GARNL3: variants seen among roughly 807,000 people sequenced by gnomAD.
GARNL3 encodes the protein GTPase-activating Rap/Ran-GAP domain-like protein 3.
A neutral mutation model predicts 125.0 loss-of-function variants in GARNL3; 63 were observed. The ratio of observed to expected loss-of-function variants is 0.50; its 90% CI spans 0.41 to 0.62. The LOEUF is 0.62. Among genes scored for constraint, GARNL3 ranks in the 20% least tolerant of loss-of-function variants. The probability of loss-of-function intolerance (pLI) is 0.00; values close to 1 mark genes in which losing one functional copy is unlikely to be tolerated. For synonymous variants in GARNL3, 439 were observed against 457.5 expected (o/e 0.96, Z 0.52); for missense variants, 994 against 1,244.0 (o/e 0.80, Z 3.02).
At chr9:127,313,276 G>A in intron 3 of GARNL3, 165 bp from the exon 4 acceptor site, 1 of 639,564 alleles carries the variant, frequency 1.6e-6, no homozygotes, top group Non-Finnish European at 2.8e-6. Flanking sequence ...AGGGGCAGAG[G>A]AATACATGAT....
chr9:127,259,496 G>T (rs1041824837), upstream of GARNL3, among the ~76,000 whole-genome samples: 2 of 152,004 alleles, frequency 1.3e-5, no homozygotes, highest in Non-Finnish European at 2.9e-5. Context: ...GGCAACAGGG[G>T]GTCCCAGGTA....
At chr9:127,339,607 C>T (rs367916129) in intron 12 of GARNL3, 38 bp from the exon 13 acceptor site, 1 of 1,433,834 alleles carries the variant, frequency 7.0e-7, no homozygotes, top group Admixed American at 1.7e-5. Context: ...CAAACCATAT[C>T]AAGTGCTAAT....
chr9:127,262,798 A>G (rs117714328), upstream of GARNL3, among the ~76,000 whole-genome samples: 11 of 152,302 alleles, frequency 7.2e-5, no homozygotes, highest in East Asian at 2.1e-3. Flanking sequence ...CATGTCCACT[A>G]TGTGCCAGGC....
rs1286361816 is a variant in GARNL3 at position 127,393,301 on chromosome 9, A to T, written c.*47A>T. 10 of 1,535,950 alleles carry T rather than the reference A, an allele frequency of 6.5e-6. No individual in the cohort carries two copies. The highest frequency in any genetic ancestry group is 9.0e-6 in the Non-Finnish European group (10 of 1,115,546). ...ATCTTTAGTTTTCTTATGGAGGTTT[A>T]TACTCTTTAAACAGTTCTGATGTAA... On this transcript the variant is annotated 3_prime_UTR_variant, in exon 28 of 28. Transcript: ENST00000373387.
intron 1 of GARNL3, among the ~76,000 whole-genome samples, chr9:127,227,158 T>G (rs182835187): frequency 1.6e-3 from 250 of 152,360 alleles, no homozygotes; most frequent in Middle Eastern, 6.8e-3. Flanking sequence ...TTCCCACTTT[T>G]ATTACCCTCT....
intron 22 of GARNL3, among the ~76,000 whole-genome samples, chr9:127,382,235 G>A (rs1223973889): frequency 6.6e-6 from 1 of 152,078 alleles, no homozygotes; most frequent in Non-Finnish European, 1.5e-5. Flanking sequence ...GGGAGGCAGA[G>A]GTTGCAATGA....
At chr9:127,289,834 G>A (rs532869421) in intron 1 of GARNL3, among the ~76,000 whole-genome samples, 1 of 152,312 alleles carries the variant, frequency 6.6e-6, no homozygotes, top group African/African-American at 2.4e-5. Flanking sequence ...CCTCAGTTTA[G>A]CGAATAGTGT....
chr9:127,326,418 G>T (rs767736938), intron 7 of GARNL3, among the ~76,000 whole-genome samples: 6 of 152,126 alleles, frequency 3.9e-5, no homozygotes, highest in Non-Finnish European at 7.4e-5. Flanking sequence ...TTGATTGAAT[G>T]AATATATTAT....
In GARNL3 at chr9:127,318,067, C is replaced by T. The variant is rs1351450763; in HGVS notation, c.443C>T (p.Thr148Ile). ...YRAILWRKTGTQKICLPYSPT... is the reference protein window; with the variant it reads ...YRAILWRKTGIQKICLPYSPT... ...TTGATGTTTGGACTTTTCCAGGGTA[C>T]CCAGAAAATATGCCTTCCCTACAGT... The change falls in exon 5 of 28, where the codon ACC (threonine) becomes ATC (isoleucine). Residue 148 changes from threonine (T) to isoleucine (I), a missense_variant. Physicochemically the swap from Thr to Ile is moderately conservative, Grantham distance 89. This residue lies in a region of GARNL3 where 139 missense variants were observed against 231.6 expected (regional missense o/e 0.60). Coordinates refer to ENST00000373387, the MANE Select transcript of GARNL3 (RefSeq NM_032293.5). 2 of 1,602,290 alleles carry T rather than the reference C, an allele frequency of 1.2e-6. No individual in the cohort carries two copies. Among genetic ancestry groups the T allele is most frequent in the African/African-American group, 2.7e-5 (2 of 74,780 alleles).
At chr9:127,294,829 G>A (rs940278833) in intron 2 of GARNL3, among the ~76,000 whole-genome samples, 2 of 152,192 alleles carry the variant, frequency 1.3e-5, no homozygotes, top group African/African-American at 4.8e-5. Context: ...GCCTGCTGAA[G>A]TCCCTGCTCC....
At chr9:127,346,650 G>A (rs774996130) in intron 16 of GARNL3, among the ~76,000 whole-genome samples, 6 of 152,192 alleles carry the variant, frequency 3.9e-5, no homozygotes, top group Non-Finnish European at 8.8e-5. Context: ...ATAACAGAGC[G>A]AGCGTCCATT....
chr9:127,231,840 C>A (rs1186476072), intron 1 of GARNL3, among the ~76,000 whole-genome samples: 1 of 152,146 alleles, frequency 6.6e-6, no homozygotes, highest in Non-Finnish European at 1.5e-5. Context: ...AACACAGTTG[C>A]CTGAGCCCCA....
Position 127,339,726 on chromosome 9 carries a change from A to T in GARNL3, c.1110A>T (p.Glu370Asp), listed in dbSNP as rs778769128. The T allele has an allele frequency of 2.5e-6, 4 of 1,612,896 alleles. No homozygotes were observed. In the African/African-American group the frequency reaches 5.3e-5, roughly 22 times the overall value. ...CACCAGTGTTTACAGACCACCAGGA[A>T]TTCAGGGACTTTTTGCTAGTGAAAT... Reference protein sequence around the residue: ...PTPPVFTDHQEFRDFLLVKLI... With the variant: ...PTPPVFTDHQDFRDFLLVKLI... Residue 370 changes from glutamate to aspartate, a missense_variant, in exon 13 of 28, where the codon GAA (glutamate) becomes GAT (aspartate). Glu to Asp is a conservative substitution (Grantham distance 45, BLOSUM62 2). Around this residue, in one of 5 missense-constraint regions of GARNL3, gnomAD observed 728 missense variants for 865.7 expected, o/e 0.84. Coordinates refer to ENST00000373387, the MANE Select transcript of GARNL3 (RefSeq NM_032293.5).
intron 1 of GARNL3, among the ~76,000 whole-genome samples, chr9:127,279,984 G>T (rs1423995991): frequency 6.6e-6 from 1 of 152,102 alleles, no homozygotes; most frequent in Admixed American, 6.5e-5. Context: ...GAGTGAGATA[G>T]GATATTCTCC....
chr9:127,288,387 T>C (rs1310744688), intron 1 of GARNL3, among the ~76,000 whole-genome samples: 4 of 152,204 alleles, frequency 2.6e-5, no homozygotes, highest in Non-Finnish European at 5.9e-5. Flanking sequence ...AGAGGTGGGA[T>C]TGTGGCACAG....
chr9:127,281,579 G>T (rs558390423), intron 1 of GARNL3, among the ~76,000 whole-genome samples: 1 of 152,272 alleles, frequency 6.6e-6, no homozygotes, highest in Non-Finnish European at 1.5e-5. Context: ...GGATCAAGGT[G>T]AGGAGTGGGA....
In GARNL3 at chr9:127,384,496, A is replaced by G. The variant is rs1479533523; in HGVS notation, c.2270-531A>G. On this transcript the variant is annotated intron_variant, in intron 23 of 27. Coordinates refer to ENST00000373387, the MANE Select transcript of GARNL3 (RefSeq NM_032293.5). This position sits in a 1 kb window ranked among gnomAD's most constrained non-coding sequence, Gnocchi z 4.0. ...CAGCCCTTAACAAATAACTCAGCAAACCCCTTGATGCCGAGGGACACTGCG... is the reference window on the plus strand; with the variant it reads ...CAGCCCTTAACAAATAACTCAGCAAGCCCCTTGATGCCGAGGGACACTGCG... Among the ~76,000 whole-genome samples, 1 of 152,112 alleles carries G rather than the reference A, an allele frequency of 6.6e-6. No individual in the cohort carries two copies. Among genetic ancestry groups the G allele is most frequent in the Non-Finnish European group, 1.5e-5 (1 of 68,022 alleles).
In GARNL3 at chr9:127,282,733, G is replaced by A. The variant is rs77419656; in HGVS notation, c.145-8435G>A. Reference sequence around the variant, plus strand: ...TATATACCTGAATGCCAAGTACACAGTGCATGCTGAACAGAGATCATAGGG... The same window carrying A: ...TATATACCTGAATGCCAAGTACACAATGCATGCTGAACAGAGATCATAGGG... On this transcript the variant is annotated intron_variant, in intron 1 of 27. Transcript: ENST00000373387. Among the ~76,000 whole-genome samples the A allele has an allele frequency of 3.5e-3, 532 of 152,244 alleles. 6 individuals carry two copies. Among genetic ancestry groups the A allele is most frequent in the African/African-American group, 0.012 (517 of 41,544 alleles).
intron 1 of GARNL3, among the ~76,000 whole-genome samples, chr9:127,234,966 G>C (rs2063084490): frequency 6.6e-6 from 1 of 152,064 alleles, no homozygotes; most frequent in Non-Finnish European, 1.5e-5. Context: ...ACAGACATTA[G>C]ATCATAGCAC....
Sources: gnomAD v4.1 joint callset for allele counts (sites outside exome capture counted in the v4.1 genomes callset) on GRCh38, gnomAD v4.1.1 for gene constraint, gnomAD v4.1.1 regional missense constraint, Gnocchi (gnomAD v3.1) non-coding constraint, MANE v1.5 for transcripts, NCBI Gene and HGNC (gene_info 2026-07-23, HGNC 2026-07-21) for gene names.